CSMD2: variants seen among roughly 807,000 people sequenced by gnomAD.
CSMD2 encodes the protein CUB and Sushi multiple domains 2, also known as CUB and sushi domain-containing protein 2.
Under a neutral mutation model 398.5 loss-of-function variants are expected in CSMD2, and 130 were observed. The ratio of observed to expected loss-of-function variants is 0.33; its 90% confidence interval spans 0.28 to 0.38. CSMD2 has a LOEUF of 0.38. Among genes scored for constraint, CSMD2 ranks in the 10% least tolerant of loss-of-function variants. The probability of loss-of-function intolerance (pLI) is 1.00; values close to 1 mark genes in which losing one functional copy is unlikely to be tolerated. For synonymous variants in CSMD2, 1,828 were observed against 1,908.5 expected, an observed-to-expected ratio of 0.96 and a Z score of 1.10; for missense variants, 3,829 against 4,764.9, an observed-to-expected ratio of 0.80 and a Z score of 5.78.
intron 5 of CSMD2, among the ~76,000 whole-genome samples, chr1:33,856,275 G>T (rs1323690030): frequency 1.3e-5 from 2 of 152,206 alleles, no homozygotes; most frequent in Non-Finnish European, 2.9e-5. Context: ...TGAGGCACCT[G>T]CATCTACTCT....
At chr1:33,842,449 C>T (rs377675142) in intron 6 of CSMD2, among the ~76,000 whole-genome samples, 9 of 152,304 alleles carry the variant, frequency 5.9e-5, no homozygotes, top group African/African-American at 2.2e-4. Flanking sequence ...CCCAACTCTA[C>T]TGAGACTTTC....
intron 1 of CSMD2, among the ~76,000 whole-genome samples, chr1:34,103,109 G>A (rs985295399): frequency 2.6e-5 from 4 of 151,906 alleles, no homozygotes; most frequent in African/African-American, 4.8e-5. Flanking sequence ...TCCTTCACTC[G>A]GCTAACTCCA....
rs576119417 is a variant in CSMD2 at position 33,533,335 on chromosome 1, C to T, written c.9992-106G>A. Reference sequence around the variant, plus strand: ...ATAGAATATCCTCTTCCTTTCCCTTCCAGTCCCTTTCATGCCAAGCATCCC... The same window carrying T: ...ATAGAATATCCTCTTCCTTTCCCTTTCAGTCCCTTTCATGCCAAGCATCCC... On this transcript the variant is annotated intron_variant, in intron 63 of 70. Coordinates refer to ENST00000373381, the MANE Select transcript of CSMD2 (RefSeq NM_001281956.2). The surrounding 1 kb of genome is among the most constrained non-coding windows in gnomAD (Gnocchi z 4.2). 2 of 1,045,336 alleles carry T rather than the reference C, an allele frequency of 1.9e-6. No homozygotes were observed. Among genetic ancestry groups the T allele is most frequent in the East Asian group, 2.6e-5 (1 of 38,486 alleles). The allele number at this position is 1,045,336 out of a possible 1,614,324, so 64.8% of individuals were successfully genotyped here. A position where few individuals can be genotyped will look rare whatever the true frequency, so the allele number is the denominator to read the frequency against.
At chr1:33,631,446 C>G (rs1194000799) in intron 32 of CSMD2, among the ~76,000 whole-genome samples, 4 of 152,008 alleles carry the variant, frequency 2.6e-5, no homozygotes, top group African/African-American at 9.7e-5. Flanking sequence ...TTACTTCTTG[C>G]CTAGAGGAGC....
At chr1:33,864,585 T>A (rs771844556) in intron 5 of CSMD2, 1 of 1,613,984 alleles carries the variant, frequency 6.2e-7, no homozygotes, top group South Asian at 1.1e-5. Context: ...GAAGATGTGG[T>A]CAACAGCGAC....
chr1:33,805,453 C>T (rs576415367), intron 10 of CSMD2, among the ~76,000 whole-genome samples: 56 of 151,780 alleles, frequency 3.7e-4, no homozygotes, highest in East Asian at 1.4e-3. Context: ...TCCAGGCACC[C>T]GGACCAAACA....
intron 3 of CSMD2, among the ~76,000 whole-genome samples, chr1:34,027,150 C>G (rs1035988159): frequency 4.6e-5 from 7 of 152,052 alleles, no homozygotes; most frequent in Admixed American, 3.3e-4. Flanking sequence ...CATTAATATC[C>G]TTAATATGCA....
At position 34,123,821 on chromosome 1, in the gene CSMD2, C is replaced by A. The variant is rs1035659325; in HGVS notation, c.188-34628G>T. 1.7e-3 allele frequency among the ~76,000 whole-genome samples: 264 copies of A among 152,030 alleles called. 1 individual carries two copies. The highest frequency in any genetic ancestry group is 6.1e-3 in the African/African-American group (254 of 41,480). ...GTGTGAGAGCAGGAAAAAAAAACAA[C>A]AACATGGCTTAAGAGAGCTTTTCCC... On this transcript the variant is annotated intron_variant, in intron 1 of 70. Transcript: ENST00000373381.
rs747220679 is a variant in CSMD2, at chr1:33,692,982, G to C, written c.4000C>G (p.His1334Asp). The C allele has an allele frequency of 1.2e-6, 2 of 1,607,138 alleles. No individual in the cohort carries two copies. The highest frequency in any genetic ancestry group is 3.4e-5 in the Admixed American group (2 of 58,972). ...LSPGYPAPYE[H>D]NLNCIWTIEA... is the part of the protein sequence containing the mutation. ...ATGGTCCAGATGCAGTTGAGATTGT[G>C]TTCATAGGGAGCTGGATACCCGGGT... The change falls in exon 25 of 71, where the codon CAC becomes GAC. Residue 1334 changes from histidine (H) to aspartate (D), a missense_variant. His to Asp is a moderately conservative substitution (Grantham distance 81). Around this residue, in one of 5 missense-constraint regions of CSMD2, gnomAD observed 2,001 missense variants for 2,567.1 expected, o/e 0.78. Transcript: ENST00000373381.
intron 1 of CSMD2, among the ~76,000 whole-genome samples, chr1:34,122,061 T>C (rs911196107): frequency 6.6e-6 from 1 of 151,328 alleles, no homozygotes; most frequent in East Asian, 2.0e-4. Flanking sequence ...TAGGAAAATA[T>C]CCTCTTCCAG....
chr1:33,851,433 C>T (rs1394563298), intron 5 of CSMD2, among the ~76,000 whole-genome samples: 5 of 152,150 alleles, frequency 3.3e-5, no homozygotes, highest in Non-Finnish European at 5.9e-5. Flanking sequence ...AACCATCCCT[C>T]CCCATCCCCA....
At chr1:33,790,647 T>C (rs543950340) in intron 11 of CSMD2, among the ~76,000 whole-genome samples, 1 of 143,944 alleles carries the variant, frequency 6.9e-6, no homozygotes, top group Admixed American at 7.2e-5. Flanking sequence ...TATCTATCTA[T>C]TTGCTGTTTG....
chr1:34,027,401 C>T (rs896422417), intron 3 of CSMD2, among the ~76,000 whole-genome samples: 1 of 152,166 alleles, frequency 6.6e-6, no homozygotes, highest in Non-Finnish European at 1.5e-5. Flanking sequence ...GGGCTCAGGC[C>T]TGCTTGTGTA....
At chr1:34,149,476 G>A (rs1175977704) in intron 1 of CSMD2, among the ~76,000 whole-genome samples, 1 of 152,154 alleles carries the variant, frequency 6.6e-6, no homozygotes, top group Non-Finnish European at 1.5e-5. Flanking sequence ...GCCCTTCAGA[G>A]AGTATTAAAT....
intron 51 of CSMD2, among the ~76,000 whole-genome samples, chr1:33,571,210 C>A (rs1021615617): frequency 1.3e-5 from 2 of 152,128 alleles, no homozygotes; most frequent in African/African-American, 4.8e-5. Context: ...GGGCAGGAAC[C>A]AAAATCTTTT....
chr1:33,686,148 T>C (rs1645055930), intron 25 of CSMD2, among the ~76,000 whole-genome samples: 2 of 152,186 alleles, frequency 1.3e-5, no homozygotes, highest in Admixed American at 1.3e-4. Context: ...CTATAGGTAT[T>C]TGATGAATGT....
At chr1:33,716,616 A>T in intron 19 of CSMD2, 115 bp from the exon 20 acceptor site, 1 of 713,332 alleles carries the variant, frequency 1.4e-6, no homozygotes, top group Non-Finnish European at 2.4e-6. Flanking sequence ...TGTGTGTATG[A>T]CTACAAGCAT....
At chr1:33,561,828 C>A (rs902526115) in intron 53 of CSMD2, among the ~76,000 whole-genome samples, 2 of 152,076 alleles carry the variant, frequency 1.3e-5, no homozygotes, top group Non-Finnish European at 2.9e-5. Flanking sequence ...ATCTGTAAAC[C>A]CCTGAAATTA....
At chr1:33,859,383 C>T (rs1287730927) in intron 5 of CSMD2, among the ~76,000 whole-genome samples, 2 of 152,230 alleles carry the variant, frequency 1.3e-5, no homozygotes, top group Non-Finnish European at 2.9e-5. Context: ...TCTCTCTCCA[C>T]CTCTGATCCT....
Sources: allele counts gnomAD v4.1 joint callset (sites outside exome capture counted in the v4.1 genomes callset), GRCh38; gene constraint gnomAD v4.1.1; regional missense constraint gnomAD v4.1.1; non-coding constraint Gnocchi (gnomAD v3.1); transcripts MANE v1.5; gene names NCBI Gene and HGNC (gene_info 2026-07-23, HGNC 2026-07-21).